The following ZNF710 variants were observed in gnomAD, a reference collection of about 807,000 sequenced individuals.
ZNF710 encodes the protein zinc finger protein 710.
A neutral mutation model predicts 50.6 loss-of-function variants in ZNF710; 13 were observed. The observed-to-expected ratio is 0.26, with a 90% CI of 0.17 to 0.41. The LOEUF is 0.41. Among genes scored for constraint, ZNF710 ranks in the 10% least tolerant of loss-of-function variants. The probability of loss-of-function intolerance (pLI) is 1.00; values close to 1 mark genes in which losing one functional copy is unlikely to be tolerated. For missense variants in ZNF710, 721 were observed against 936.6 expected (o/e 0.77, Z 3.01); for synonymous variants, 383 against 397.0 (o/e 0.96, Z 0.42).
chr15:90,064,511 A>T (rs1191067029), intron 1 of ZNF710, among the ~76,000 whole-genome samples: 1 of 152,168 alleles, frequency 6.6e-6, no homozygotes, highest in Non-Finnish European at 1.5e-5. Flanking sequence ...CCTTTGAGAC[A>T]GAGTCTCACT....
chr15:90,003,064 C>T (rs371699038), intron 1 of ZNF710, among the ~76,000 whole-genome samples: 25 of 152,250 alleles, frequency 1.6e-4, no homozygotes, highest in African/African-American at 4.8e-4. Context: ...TTAGGAGAGA[C>T]GGGGTTTCAC....
intron 4 of ZNF710, among the ~76,000 whole-genome samples, chr15:90,078,985 A>T (rs75167657): frequency 0.02 from 3,017 of 152,304 alleles, 61 homozygotes; most frequent in African/African-American, 0.047. Flanking sequence ...TGCCTGACAT[A>T]TCTTTATGAA....
chr15:90,074,004 AAAAAAAAAC>A, intron 3 of ZNF710, 103 bp from the exon 4 acceptor site: 2 of 1,214,080 alleles, frequency 1.6e-6, no homozygotes, highest in South Asian at 3.4e-5. Context: ...AAAAAACAAA[AAAAAAAAAC>A]AAAAGAATAG....
intron 1 of ZNF710, chr15:90,026,061 C>A (rs1160400661): frequency 9.9e-5 from 15 of 151,490 alleles, no homozygotes; most frequent in Admixed American, 9.9e-4. Context: ...ATAAAAACAG[C>A]CCCTAAGGAA....
intron 1 of ZNF710, among the ~76,000 whole-genome samples, chr15:90,033,931 G>C (rs773898954): frequency 3.9e-5 from 6 of 152,224 alleles, no homozygotes; most frequent in Admixed American, 6.5e-5. Context: ...GCTGGATGCG[G>C]TGGCTCATGC....
intron 1 of ZNF710, among the ~76,000 whole-genome samples, chr15:90,010,422 G>A (rs1022502075): frequency 2.0e-5 from 3 of 152,058 alleles, no homozygotes; most frequent in South Asian, 2.1e-4. Flanking sequence ...CCAAGTAGCT[G>A]GGACCACAGG....
chr15:90,002,290 C>T (rs1898033106), intron 1 of ZNF710, among the ~76,000 whole-genome samples: 1 of 151,404 alleles, frequency 6.6e-6, no homozygotes, highest in South Asian at 2.1e-4. Context: ...GGCCACTGGC[C>T]GCCGCACGCT....
At chr15:90,051,498 T>C (rs1899645912) in intron 1 of ZNF710, among the ~76,000 whole-genome samples, 1 of 151,544 alleles carries the variant, frequency 6.6e-6, no homozygotes, top group Non-Finnish European at 1.5e-5. Context: ...CTGGGTGTGG[T>C]GGTGGGTGCC....
chr15:90,005,307 A>G (rs999867700), intron 1 of ZNF710, among the ~76,000 whole-genome samples: 2 of 152,148 alleles, frequency 1.3e-5, no homozygotes, highest in Non-Finnish European at 2.9e-5. Flanking sequence ...GAGGTGATTG[A>G]TGGGAGCTGC....
chr15:90,021,449 T>C (rs1898619439), intron 1 of ZNF710, among the ~76,000 whole-genome samples: 1 of 152,210 alleles, frequency 6.6e-6, no homozygotes, highest in South Asian at 2.1e-4. Context: ...ATATAACCCA[T>C]GGCTATCACT....
chr15:90,018,170 CTTTTTTTT>C (rs5814406), intron 1 of ZNF710, among the ~76,000 whole-genome samples: 53 of 128,392 alleles, frequency 4.1e-4, no homozygotes, highest in Middle Eastern at 3.9e-3. Flanking sequence ...TTTCTTTTTT[CTTTTTTTT>C]TTTTTTTTGA....
At chr15:90,026,228 A>T (rs1898770961) in intron 1 of ZNF710, among the ~76,000 whole-genome samples, 1 of 146,326 alleles carries the variant, frequency 6.8e-6, no homozygotes, top group Non-Finnish European at 1.5e-5. Context: ...GAGAAATAAA[A>T]GGGAGAAATG....
At chr15:90,006,127 G>C (rs1898135319) in intron 1 of ZNF710, among the ~76,000 whole-genome samples, 1 of 152,012 alleles carries the variant, frequency 6.6e-6, no homozygotes, top group Admixed American at 6.6e-5. Flanking sequence ...GCCTGAAGAG[G>C]GTTCACCCAG....
intron 1 of ZNF710, among the ~76,000 whole-genome samples, chr15:90,065,473 C>T (rs1483161373): frequency 6.6e-6 from 1 of 152,202 alleles, no homozygotes; most frequent in Non-Finnish European, 1.5e-5. Context: ...CCTTGGAAGC[C>T]TGGAGAGGGC....
intron 1 of ZNF710, among the ~76,000 whole-genome samples, chr15:90,033,785 G>A (rs1285392799): frequency 1.3e-5 from 2 of 152,202 alleles, no homozygotes; most frequent in African/African-American, 4.8e-5. Context: ...TTGATTCAAG[G>A]CAGAGCAAGG....
intron 2 of ZNF710, among the ~76,000 whole-genome samples, chr15:90,072,242 C>A (rs973272974): frequency 2.6e-5 from 4 of 152,336 alleles, no homozygotes; most frequent in Non-Finnish European, 5.9e-5. Flanking sequence ...GGGTTTTCTC[C>A]TGGAATCCAT....
Position 90,062,729 on chromosome 15 carries a change from G to T in ZNF710, c.-28-4381G>T, listed in dbSNP as rs1900048009. On this transcript the variant is annotated intron_variant, in intron 1 of 4. Transcript: ENST00000268154. This position sits in a 1 kb window ranked among gnomAD's most constrained non-coding sequence, Gnocchi z 5.6. The stretch of plus-strand genomic sequence containing the variant: ...AGGAGGGAGAACAGAGTGATACCGG[G>T]CCTCCCCACTCCTCATTTCCGTGTG... 6.6e-6 allele frequency among the ~76,000 whole-genome samples: 1 copy of T among 152,128 alleles called. No homozygotes were observed. Among genetic ancestry groups the T allele is most frequent in the Non-Finnish European group, 1.5e-5 (1 of 68,010 alleles).
intron 1 of ZNF710, among the ~76,000 whole-genome samples, chr15:90,066,561 T>C (rs962017783): frequency 4.3e-5 from 6 of 139,290 alleles, no homozygotes; most frequent in Admixed American, 3.2e-4. Flanking sequence ...CACTGCAACC[T>C]CCGCCTCCCA....
At chr15:90,007,552 G>A (rs893125604) in intron 1 of ZNF710, among the ~76,000 whole-genome samples, 2 of 151,926 alleles carry the variant, frequency 1.3e-5, no homozygotes, top group African/African-American at 2.4e-5. Context: ...TGTCTTACTG[G>A]ACTAACCTCA....
Sources: gnomAD v4.1 joint callset for allele counts (sites outside exome capture counted in the v4.1 genomes callset) on GRCh38, gnomAD v4.1.1 for gene constraint, Gnocchi (gnomAD v3.1) non-coding constraint, MANE v1.5 for transcripts, NCBI Gene and HGNC (gene_info 2026-07-23, HGNC 2026-07-21) for gene names.